Variants in BDP1 observed in about 807,000 individuals in gnomAD.
BDP1 encodes transcription factor TFIIIB component B'' homolog.
BDP1 carries 169 observed loss-of-function variants against 266.6 expected under a neutral mutation model. That is an observed-to-expected ratio of 0.63 (90% confidence interval 0.56 to 0.72). The LOEUF is 0.72. BDP1 is among the 30% of genes least tolerant of loss of function. BDP1 has a pLI of 0.00. For synonymous variants in BDP1, 1,090 were observed against 1,022.4 expected, an observed-to-expected ratio of 1.07 and a Z score of -1.26; for missense variants, 3,015 against 3,053.8, an observed-to-expected ratio of 0.99 and a Z score of 0.30.
Position 71,458,727 on chromosome 5 carries a change from AT to A in BDP1, c.363del (p.Asn122IlefsTer30). 1.2e-6 allele frequency: 2 copies of A among 1,614,184 alleles called. No individual in the cohort carries two copies. The highest frequency in any genetic ancestry group is 1.7e-6 in the Non-Finnish European group (2 of 1,180,026). ...TTCAGAATCTCATCCCTTATCTACA[AT>A]TAATCAAGAGGCTCCACAGCCAACT... ...VPSESHPLST[I>X]NQEAPQPTAT... On this transcript the variant is annotated frameshift_variant, in exon 2 of 39. Coordinates refer to ENST00000358731, the MANE Select transcript of BDP1 (RefSeq NM_018429.3). LOFTEE classifies it high-confidence loss of function.
chr5:71,479,250 C>T (rs543434836), intron 7 of BDP1, among the ~76,000 whole-genome samples: 33 of 151,816 alleles, frequency 2.2e-4, no homozygotes, highest in African/African-American at 7.7e-4. Flanking sequence ...ACTATGTTAG[C>T]CAGGATGGTC....
At chr5:71,507,768 A>G (rs2454086) in intron 16 of BDP1, among the ~76,000 whole-genome samples, 67,603 of 152,058 alleles carry the variant, frequency 0.44, 15,415 homozygotes, top group South Asian at 0.55. Flanking sequence ...TTTACATTTA[A>G]CGTTGTCAAT....
chr5:71,525,368 T>A (rs1352847651), intron 25 of BDP1, among the ~76,000 whole-genome samples: 1 of 133,978 alleles, frequency 7.5e-6, no homozygotes, highest in African/African-American at 2.8e-5. Context: ...ACCTCCCGGA[T>A]GGGGCGGCTG....
At chr5:71,503,519 A>G (rs1764391430) in intron 15 of BDP1, among the ~76,000 whole-genome samples, 1 of 152,210 alleles carries the variant, frequency 6.6e-6, no homozygotes, top group African/African-American at 2.4e-5. Context: ...TACATATGTG[A>G]GTTTTAACAT....
At chr5:71,513,441 T>TG in intron 19 of BDP1, 34 bp downstream of exon 19, 1 of 1,240,428 alleles carries the variant, frequency 8.1e-7, no homozygotes, top group Non-Finnish European at 1.1e-6. Flanking sequence ...TCTGTGTGGG[T>TG]GTTTTTTTTT....
intron 16 of BDP1, among the ~76,000 whole-genome samples, chr5:71,508,998 C>G (rs1001661080): frequency 6.6e-6 from 1 of 152,136 alleles, no homozygotes; most frequent in African/African-American, 2.4e-5. Flanking sequence ...CATTTGTAGT[C>G]CTAAGATTTA....
rs1435224260 is a variant in BDP1, at chr5:71,541,654, A to G, written c.6223A>G (p.Lys2075Glu). The change falls in exon 29 of 39, where the codon AAA becomes GAA. Residue 2075 changes from lysine to glutamate, a missense_variant. Lys to Glu is a moderately conservative substitution (Grantham distance 56). This residue lies in a region of BDP1 where 3 missense variants were observed against 16.4 expected (regional missense o/e 0.18). Transcript: ENST00000358731. ...SSREEISLME[K>E]VKENATPTRN... Reference sequence around the variant, plus strand: ...CAGAGAAGAAATAAGTTTAATGGAGAAAGTAAAGGAGAATGCTACACCAAC... The same window carrying G: ...CAGAGAAGAAATAAGTTTAATGGAGGAAGTAAAGGAGAATGCTACACCAAC... The G allele has an allele frequency of 1.2e-6, 2 of 1,606,200 alleles. No individual in the cohort carries two copies. Among genetic ancestry groups the G allele is most frequent in the Admixed American group, 3.4e-5 (2 of 58,656 alleles).
At chr5:71,467,921 C>G (rs1017752616) in intron 6 of BDP1, among the ~76,000 whole-genome samples, 6 of 151,980 alleles carry the variant, frequency 3.9e-5, no homozygotes, top group African/African-American at 1.5e-4. Flanking sequence ...CTTACTGCAG[C>G]CTTGAACTCT....
chr5:71,563,898 AAAAT>A (rs1034846530), intron 38 of BDP1, among the ~76,000 whole-genome samples: 2 of 152,180 alleles, frequency 1.3e-5, no homozygotes, highest in African/African-American at 4.8e-5. Flanking sequence ...GCTTTGTCTT[AAAAT>A]AAATAAATAA....
chr5:71,576,565 T>C, the BDP1 span, among the ~76,000 whole-genome samples: 2 of 152,298 alleles, frequency 1.3e-5, no homozygotes, highest in Admixed American at 1.3e-4. Flanking sequence ...TTCCCTTCAA[T>C]AGTTCCTACC....
chr5:71,564,784 G>T lies in BDP1; in HGVS notation c.7774G>T (p.Gly2592Ter), dbSNP rs1460809610. The change falls in exon 39 of 39, where the codon GGA becomes TGA. Residue 2592 changes from glycine to a stop codon, truncating the protein, a stop_gained. Transcript: ENST00000358731. LOFTEE classifies it high-confidence loss of function. Reference sequence around the variant, plus strand: ...TTGTGATCAGCCCTTACTGAAAGAAGGATATAAAAGTGCCCAAAAGCGGGC... The same window carrying T: ...TTGTGATCAGCCCTTACTGAAAGAATGATATAAAAGTGCCCAAAAGCGGGC... ...VSCDQPLLKE[G>*]YKSAQKRAPQ... is the part of the protein sequence containing the mutation. The T allele has an allele frequency of 6.2e-7, 1 of 1,608,978 alleles. No homozygotes were observed. The highest frequency in any genetic ancestry group is 8.5e-7 in the Non-Finnish European group (1 of 1,178,996).
In BDP1 at chr5:71,532,422, C is replaced by T; in HGVS notation, c.5887C>T (p.Pro1963Ser). The T allele has an allele frequency of 8.7e-6, 14 of 1,613,144 alleles. No individual in the cohort carries two copies. Among genetic ancestry groups the T allele is most frequent in the Non-Finnish European group, 1.2e-5 (14 of 1,179,576 alleles). ...EMKQEENLSV[P>S]FEMTTSEHIQ... is the part of the protein sequence containing the mutation. Reference sequence around the variant, plus strand: ...GAAACAAGAAGAAAATTTGAGTGTACCGTTTGTAAGCATCCATTTTAATAT... The same window carrying T: ...GAAACAAGAAGAAAATTTGAGTGTATCGTTTGTAAGCATCCATTTTAATAT... The change falls in exon 26 of 39, where the codon CCG (proline) becomes TCG (serine). Residue 1963 changes from proline (P) to serine (S), a missense_variant. Coordinates refer to ENST00000358731, the MANE Select transcript of BDP1 (RefSeq NM_018429.3).
At chr5:71,557,419 C>G (rs1432371574) in intron 36 of BDP1, among the ~76,000 whole-genome samples, 2 of 133,604 alleles carry the variant, frequency 1.5e-5, no homozygotes, top group Admixed American at 7.7e-5. Context: ...GTGTCTCGCT[C>G]TGTCACCCAG....
chr5:71,542,904 T>C (rs897171722), intron 30 of BDP1, among the ~76,000 whole-genome samples: 1 of 151,936 alleles, frequency 6.6e-6, no homozygotes, highest in Non-Finnish European at 1.5e-5. Context: ...TTTCAACTCA[T>C]GTCCTTGAGC....
intron 26 of BDP1, among the ~76,000 whole-genome samples, chr5:71,533,664 G>C (rs1426117510): frequency 6.6e-6 from 1 of 151,494 alleles, no homozygotes; most frequent in Non-Finnish European, 1.5e-5. Context: ...GGGTCTTGCT[G>C]TGTTGTTCAG....
At chr5:71,494,394 G>C (rs1763762602) in intron 11 of BDP1, 1 of 152,242 alleles carries the variant, frequency 6.6e-6, no homozygotes, top group Non-Finnish European at 1.5e-5. Flanking sequence ...TGCAATCTCA[G>C]CTCACTGCAG....
rs543896220 is a variant in BDP1 at position 71,491,699 on chromosome 5, ATTCT to A, written c.1640+575_1640+578del. The stretch of plus-strand genomic sequence containing the variant: ...CGCCTCCCAGCCCTTGGCAATCATG[ATTCT>A]TTCTTTGTTTTGTTTTGTTTTGTTT... On this transcript the variant is annotated intron_variant, in intron 11 of 38. Transcript: ENST00000358731. Among the ~76,000 whole-genome samples, 92 of 151,790 alleles carry A rather than the reference ATTCT, an allele frequency of 6.1e-4. 1 individual carries two copies. In the East Asian group the frequency reaches 7.9e-3, roughly 13 times the overall value.
intron 35 of BDP1, among the ~76,000 whole-genome samples, chr5:71,556,465 T>A (rs1743222993): frequency 6.6e-6 from 1 of 152,170 alleles, no homozygotes; most frequent in Non-Finnish European, 1.5e-5. Flanking sequence ...ATTTTATAAG[T>A]TTTTTTCAAG....
intron 34 of BDP1, among the ~76,000 whole-genome samples, chr5:71,551,079 T>C (rs1742707242): frequency 6.8e-6 from 1 of 147,784 alleles, no homozygotes; most frequent in South Asian, 2.2e-4. Flanking sequence ...AGATTTATTT[T>C]ATTATTATTT....
Sources: gnomAD v4.1 joint callset for allele counts (sites outside exome capture counted in the v4.1 genomes callset) on GRCh38, gnomAD v4.1.1 for gene constraint, gnomAD v4.1.1 regional missense constraint, MANE v1.5 for transcripts, NCBI Gene and HGNC (gene_info 2026-07-23, HGNC 2026-07-21) for gene names.